PRKAG2: variants seen among roughly 807,000 people sequenced by gnomAD.
PRKAG2 encodes the protein protein kinase AMP-activated non-catalytic subunit gamma 2.
PRKAG2 carries 26 observed loss-of-function variants against 69.6 expected under a neutral mutation model. The ratio of observed to expected loss-of-function variants is 0.37; its 90% CI spans 0.27 to 0.52. The LOEUF is 0.52. Ranked by LOEUF, PRKAG2 falls within the 20% of genes least tolerant of loss-of-function variation. The probability of loss-of-function intolerance (pLI) is 0.90; values close to 1 mark genes in which losing one functional copy is unlikely to be tolerated. For synonymous variants in PRKAG2, 293 were observed against 285.0 expected, an observed-to-expected ratio of 1.03 and a Z score of -0.28; for missense variants, 557 against 740.0, an observed-to-expected ratio of 0.75 and a Z score of 2.87.
chr7:151,559,419 C>T, intron 15 of PRKAG2: 1 of 985,428 alleles, frequency 1.0e-6, no homozygotes, highest in Non-Finnish European at 1.2e-6. Context: ...CAAGTGACTG[C>T]ACCAGGCCCC....
intron 1 of PRKAG2, among the ~76,000 whole-genome samples, chr7:151,833,506 T>C (rs577322053): frequency 1.8e-3 from 271 of 152,174 alleles, no homozygotes; most frequent in Non-Finnish European, 3.3e-3. Context: ...GCCCTGTGGG[T>C]GCCGCCCTCA....
intron 3 of PRKAG2, among the ~76,000 whole-genome samples, chr7:151,718,458 C>T (rs964597942): frequency 1.3e-5 from 2 of 152,054 alleles, no homozygotes; most frequent in Non-Finnish European, 2.9e-5. Context: ...CACAGCACGG[C>T]ACGAGTCCTC....
At chr7:151,876,422 G>A in intron 1 of PRKAG2, 85 bp downstream of exon 1, 1 of 1,330,348 alleles carries the variant, frequency 7.5e-7, no homozygotes, top group Non-Finnish European at 1.1e-6. Context: ...CGGCGCGCGC[G>A]GGGCGTCCAG....
chr7:151,561,027 G>C (rs564343972), intron 14 of PRKAG2, among the ~76,000 whole-genome samples: 169 of 152,292 alleles, frequency 1.1e-3, no homozygotes, highest in Non-Finnish European at 2.1e-3. Context: ...ATGTGTTACT[G>C]TCTGATTACC....
chr7:151,866,172 A>G (rs2080073171), intron 1 of PRKAG2, among the ~76,000 whole-genome samples: 1 of 152,330 alleles, frequency 6.6e-6, no homozygotes, highest in South Asian at 2.1e-4. Flanking sequence ...GGCAAACCGA[A>G]GGGAGGCAGC....
At chr7:151,770,809 T>C (rs917690003) in intron 3 of PRKAG2, among the ~76,000 whole-genome samples, 4 of 152,148 alleles carry the variant, frequency 2.6e-5, no homozygotes, top group Non-Finnish European at 5.9e-5. Context: ...GGGGGTGAGA[T>C]AGAAAGTGGC....
chr7:151,580,562 T>C (rs1810163920), intron 6 of PRKAG2, among the ~76,000 whole-genome samples: 2 of 152,108 alleles, frequency 1.3e-5, no homozygotes, highest in South Asian at 2.1e-4. Flanking sequence ...TAGGAGACGG[T>C]TTAACTTTTG....
rs1028142679 is a variant in PRKAG2, at chr7:151,566,371, C to T, written c.1234-486G>A. 4.6e-5 allele frequency among the ~76,000 whole-genome samples: 7 copies of T among 152,270 alleles called. No individual in the cohort carries two copies. In the East Asian group the frequency reaches 5.8e-4, roughly 13 times the overall value. On this transcript the variant is annotated intron_variant, in intron 11 of 15. Coordinates refer to ENST00000287878, the MANE Select transcript of PRKAG2 (RefSeq NM_016203.4). ...CTGCTAAGCTAGTCCTCACGCCACC[C>T]GCCTCTACATCCTGAATTCTCCTTG... is the stretch of plus-strand genomic sequence containing the variant.
chr7:151,799,079 G>A lies in PRKAG2; in HGVS notation c.115-12538C>T, dbSNP rs1016496017. ...GTCAGCTTCTGTTCCCAACTGGCCC[G>A]GGCCTGCTGCGGGTGCCCTCACCTC... On this transcript the variant is annotated intron_variant, in intron 1 of 15. Transcript: ENST00000287878. 5.3e-5 allele frequency among the ~76,000 whole-genome samples: 8 copies of A among 152,108 alleles called. 1 individual carries two copies. The highest frequency in any genetic ancestry group is 4.1e-4 in the South Asian group (2 of 4,824).
At chr7:151,616,489 A>G (rs911603211) in intron 5 of PRKAG2, among the ~76,000 whole-genome samples, 3 of 152,250 alleles carry the variant, frequency 2.0e-5, no homozygotes, top group African/African-American at 7.2e-5. Flanking sequence ...TTGCATCATG[A>G]ACCTGTCTTC....
intron 3 of PRKAG2, among the ~76,000 whole-genome samples, chr7:151,706,591 T>A (rs557829978): frequency 1.3e-5 from 2 of 152,322 alleles, no homozygotes; most frequent in African/African-American, 4.8e-5. Flanking sequence ...TGCCTCCTGC[T>A]TTGAGCAGGT....
chr7:151,592,871 T>A (rs1813564436), intron 6 of PRKAG2, among the ~76,000 whole-genome samples: 1 of 152,180 alleles, frequency 6.6e-6, no homozygotes, highest in East Asian at 1.9e-4. Context: ...TAGAAAATAC[T>A]CAAATCACCC....
chr7:151,695,979 G>C (rs968573944), intron 3 of PRKAG2, among the ~76,000 whole-genome samples: 6 of 152,244 alleles, frequency 3.9e-5, no homozygotes, highest in South Asian at 4.2e-4. Flanking sequence ...GTGTTTACAC[G>C]ACACCAGCTC....
intron 6 of PRKAG2, among the ~76,000 whole-genome samples, chr7:151,585,834 G>A (rs1464532355): frequency 6.6e-6 from 1 of 152,224 alleles, no homozygotes; most frequent in Non-Finnish European, 1.5e-5. Flanking sequence ...ATTTGGGAAT[G>A]TGATGCCAGG....
chr7:151,765,621 C>G (rs1199584269), intron 3 of PRKAG2, among the ~76,000 whole-genome samples: 1 of 152,168 alleles, frequency 6.6e-6, no homozygotes, highest in Non-Finnish European at 1.5e-5. Context: ...TCATTCTGGA[C>G]TGAGGGCCCA....
In PRKAG2 at chr7:151,778,281, T is replaced by C. The variant is rs565188923; in HGVS notation, c.466+2871A>G. On this transcript the variant is annotated intron_variant, in intron 3 of 15. Transcript: ENST00000287878. ...AGCTCCATCTCCCATGTGGCTGGCC[T>C]CACATTAAACATTTTACTACAATAC... Among the ~76,000 whole-genome samples the C allele has an allele frequency of 1.4e-4, 22 of 152,256 alleles. No individual in the cohort carries two copies. In the East Asian group the frequency reaches 3.9e-3, roughly 27 times the overall value.
intron 3 of PRKAG2, among the ~76,000 whole-genome samples, chr7:151,720,254 G>A (rs547386391): frequency 2.6e-5 from 4 of 152,274 alleles, no homozygotes; most frequent in Admixed American, 2.6e-4. Context: ...CAGAGAGAAA[G>A]AACACAGACT....
intron 1 of PRKAG2, among the ~76,000 whole-genome samples, chr7:151,812,778 G>A (rs1319546157): frequency 2.0e-5 from 3 of 152,170 alleles, no homozygotes; most frequent in Non-Finnish European, 4.4e-5. Context: ...TGGACCGCAG[G>A]ACACCTGGCT....
chr7:151,838,543 C>CA (rs1418116980), intron 1 of PRKAG2, among the ~76,000 whole-genome samples: 16 of 151,700 alleles, frequency 1.1e-4, no homozygotes, highest in South Asian at 8.4e-4. Flanking sequence ...CCCGTCTCTA[C>CA]AAAAAATACA....
Sources: gnomAD v4.1 joint callset for allele counts (sites outside exome capture counted in the v4.1 genomes callset) on GRCh38, gnomAD v4.1.1 for gene constraint, MANE v1.5 for transcripts, NCBI Gene and HGNC (gene_info 2026-07-23, HGNC 2026-07-21) for gene names.